Variants in C12orf42 observed in about 807,000 individuals in gnomAD.
C12orf42 encodes the protein chromosome 12 open reading frame 42.
In C12orf42, 25 loss-of-function variants were observed where a neutral mutation model predicts 21.6. The observed-to-expected ratio is 1.16, with a 90% CI of 0.84 to 1.62. The LOEUF (loss-of-function observed/expected upper bound fraction) is 1.62. Among genes scored for constraint, C12orf42 ranks in the 40% most tolerant of loss-of-function variants. C12orf42 has a pLI of 0.00. For missense variants in C12orf42, 483 were observed against 459.3 expected (o/e 1.05, Z -0.47); for synonymous variants, 174 against 175.0 (o/e 0.99, Z 0.05).
chr12:103,439,353 A>G (rs1363186218), intron 2 of C12orf42, among the ~76,000 whole-genome samples: 1 of 151,958 alleles, frequency 6.6e-6, no homozygotes, highest in Non-Finnish European at 1.5e-5. Context: ...ATGGGCAAGG[A>G]CTTCATGTCC....
chr12:103,390,509 T>G (rs1302425273), intron 3 of C12orf42, among the ~76,000 whole-genome samples: 1 of 152,220 alleles, frequency 6.6e-6, no homozygotes, highest in East Asian at 1.9e-4. Flanking sequence ...CCTCTCTTTA[T>G]GAATTTGGCA....
chr12:103,092,521 A>G, the C12orf42 span, among the ~76,000 whole-genome samples: 1 of 152,164 alleles, frequency 6.6e-6, no homozygotes, highest in Non-Finnish European at 1.5e-5. Flanking sequence ...CATTACTATA[A>G]CAACAGAATA....
intron 2 of C12orf42, among the ~76,000 whole-genome samples, chr12:103,439,203 A>G (rs1468754326): frequency 3.3e-5 from 5 of 151,418 alleles, no homozygotes; most frequent in Admixed American, 6.6e-5. Context: ...CTGGCTAGCC[A>G]TATGTAGAAA....
chr12:103,088,224 T>C, the C12orf42 span, among the ~76,000 whole-genome samples: 14 of 152,338 alleles, frequency 9.2e-5, no homozygotes, highest in Middle Eastern at 3.4e-3. Context: ...GATGGCTGAA[T>C]TCTAGAAGGT....
chr12:103,075,878 AGT>A, the C12orf42 span, among the ~76,000 whole-genome samples: 9 of 152,210 alleles, frequency 5.9e-5, no homozygotes, highest in South Asian at 2.1e-4. Context: ...AATGAGAAAG[AGT>A]AAGATGTTGA....
chr12:103,326,433 C>T (rs2040713082), intron 4 of C12orf42, among the ~76,000 whole-genome samples: 2 of 152,210 alleles, frequency 1.3e-5, no homozygotes, highest in East Asian at 3.8e-4. Context: ...TTGCTCAAGG[C>T]CTTCCAATGG....
chr12:103,251,801 C>T (rs910003367), intron 10 of C12orf42, among the ~76,000 whole-genome samples: 3 of 152,124 alleles, frequency 2.0e-5, no homozygotes, highest in Non-Finnish European at 2.9e-5. Context: ...TTGCTACGCA[C>T]TGTATTCACT....
At chr12:103,178,722 T>C in the C12orf42 span, 2 of 152,256 alleles carry the variant, frequency 1.3e-5, no homozygotes, top group Non-Finnish European at 2.9e-5. Context: ...CTAGGCATTT[T>C]GAGAAGCCTG....
intron 3 of C12orf42, among the ~76,000 whole-genome samples, chr12:103,399,999 C>T (rs975481946): frequency 3.3e-5 from 5 of 151,944 alleles, no homozygotes; most frequent in Non-Finnish European, 7.4e-5. Context: ...AGTCAATATA[C>T]AGTATATACT....
chr12:103,377,302 A>G (rs1456621531), intron 3 of C12orf42, among the ~76,000 whole-genome samples: 1 of 151,934 alleles, frequency 6.6e-6, no homozygotes, highest in Non-Finnish European at 1.5e-5. Flanking sequence ...ACTGTCATTC[A>G]TATTTAACAA....
chr12:103,191,196 G>T, the C12orf42 span, among the ~76,000 whole-genome samples: 11 of 151,984 alleles, frequency 7.2e-5, no homozygotes, highest in African/African-American at 2.4e-4. Flanking sequence ...AAGAAAAAAG[G>T]TTTCTCAGAA....
chr12:103,351,663 G>C (rs12305510), intron 4 of C12orf42, among the ~76,000 whole-genome samples: 18,822 of 151,850 alleles, frequency 0.12, 1,470 homozygotes, highest in African/African-American at 0.23. Flanking sequence ...GAAGAAGTCG[G>C]GTAGAACATA....
chr12:103,293,677 T>C, intron 4 of C12orf42, among the ~76,000 whole-genome samples: 1 of 152,158 alleles, frequency 6.6e-6, no homozygotes. Flanking sequence ...GGCTGTAAGC[T>C]ACATATTATG....
intron 3 of C12orf42, among the ~76,000 whole-genome samples, chr12:103,375,738 A>G (rs1593687878): frequency 6.6e-6 from 1 of 152,180 alleles, no homozygotes; most frequent in African/African-American, 2.4e-5. Flanking sequence ...ATTATTAACT[A>G]CCCTTTCTTC....
the C12orf42 span, among the ~76,000 whole-genome samples, chr12:103,047,755 G>A: frequency 3.3e-5 from 5 of 152,178 alleles, no homozygotes; most frequent in Admixed American, 3.3e-4. Context: ...TGGGCCAGCT[G>A]TGGGCTGGCT....
At chr12:103,468,514 T>C (rs1478212679) in intron 2 of C12orf42, among the ~76,000 whole-genome samples, 1 of 152,230 alleles carries the variant, frequency 6.6e-6, no homozygotes, top group African/African-American at 2.4e-5. Flanking sequence ...CTGTAGTTGT[T>C]TCCAGAATCA....
chr12:103,094,195 C>T, the C12orf42 span, among the ~76,000 whole-genome samples: 4 of 152,168 alleles, frequency 2.6e-5, no homozygotes, highest in Admixed American at 2.0e-4. Flanking sequence ...GTTTCTCATT[C>T]CTCCCACCTA....
chr12:103,462,095 G>GTTTTTTTTTTTTTTTTTTTTT (rs1565867930), intron 2 of C12orf42, among the ~76,000 whole-genome samples: 1 of 31,482 alleles, frequency 3.2e-5, no homozygotes, highest in Non-Finnish European at 6.9e-5. Flanking sequence ...TTTTTTGCTT[G>GTTTTTTTTTTTTTTTTTTTTT]GTTTTTTTTT....
chr12:103,171,145 A>G, the C12orf42 span, among the ~76,000 whole-genome samples: 1 of 152,158 alleles, frequency 6.6e-6, no homozygotes, highest in African/African-American at 2.4e-5. Context: ...GATTTCTGCT[A>G]AAGTATCACT....
Sources: allele counts gnomAD v4.1 joint callset (sites outside exome capture counted in the v4.1 genomes callset), GRCh38; gene constraint gnomAD v4.1.1; transcripts MANE v1.5; gene names NCBI Gene and HGNC (gene_info 2026-07-23, HGNC 2026-07-21).